The following COPG2 variants were observed in gnomAD, a reference collection of about 807,000 sequenced individuals.
The protein encoded by COPG2 is coatomer subunit gamma-2.
In COPG2, 37 loss-of-function variants were observed where a neutral mutation model predicts 46.3. That is an observed-to-expected ratio of 0.80 (90% CI 0.61 to 1.05). COPG2 has a LOEUF of 1.05. Ranked by LOEUF, COPG2 falls within the 50% of genes least tolerant of loss-of-function variation. The pLI is 0.00. For synonymous variants in COPG2, 159 were observed against 129.7 expected (o/e 1.23, Z -1.53); for missense variants, 427 against 387.8 (o/e 1.10, Z -0.85).
chr7:130,506,495 AAAAAAC>A lies in COPG2; in HGVS notation c.*175_*180del. ...CAAGTAGAATAAAAAGAAAAAAAAA[AAAAAAC>A]AACCCATGCGCAAAGATAGACATTT... is the stretch of plus-strand genomic sequence containing the variant. On this transcript the variant is annotated 3_prime_UTR_variant, in exon 24 of 24. Transcript: ENST00000425248. 3 of 441,488 alleles carry A rather than the reference AAAAAAC, an allele frequency of 6.8e-6. No homozygotes were observed. Among genetic ancestry groups the A allele is most frequent in the Non-Finnish European group, 1.2e-5 (3 of 248,116 alleles). 27.3% of individuals were successfully genotyped at this position (441,488 alleles called of 1,614,324 possible).
At chr7:130,616,564 T>A (rs994230375) in intron 6 of COPG2, among the ~76,000 whole-genome samples, 4 of 152,140 alleles carry the variant, frequency 2.6e-5, no homozygotes, top group Non-Finnish European at 4.4e-5. Flanking sequence ...CACTCCAGCC[T>A]GGGCGAAAGC....
intron 4 of COPG2, 62 bp downstream of exon 4, chr7:130,662,905 T>C: frequency 2.1e-6 from 2 of 974,624 alleles, no homozygotes. Flanking sequence ...ACACTCTTAG[T>C]TCCCTGGGGA....
intron 20 of COPG2, among the ~76,000 whole-genome samples, chr7:130,518,369 GAATC>G (rs1799696265): frequency 1.3e-5 from 2 of 152,182 alleles, no homozygotes; most frequent in African/African-American, 2.4e-5. Context: ...AGATCAGGGT[GAATC>G]TTGATTCAAA....
chr7:130,560,005 G>A, intron 12 of COPG2, among the ~76,000 whole-genome samples: 1 of 152,120 alleles, frequency 6.6e-6, no homozygotes, highest in South Asian at 2.1e-4. Flanking sequence ...TGTTCTGGAA[G>A]TACTTTTTTA....
At chr7:130,634,234 T>C (rs988530895) in intron 5 of COPG2, among the ~76,000 whole-genome samples, 6 of 152,192 alleles carry the variant, frequency 3.9e-5, no homozygotes, top group Non-Finnish European at 8.8e-5. Context: ...AAATTTAAAG[T>C]AGTTTTTTTC....
At chr7:130,591,121 GC>G (rs1481649594) in intron 9 of COPG2, among the ~76,000 whole-genome samples, 1 of 117,640 alleles carries the variant, frequency 8.5e-6, no homozygotes, top group Non-Finnish European at 1.8e-5. Context: ...CCGGCCAGCT[GC>G]CCCGTCCGGA....
At chr7:130,646,969 GTGTATATATATA>G (rs1795612933) in intron 5 of COPG2, among the ~76,000 whole-genome samples, 215 of 17,958 alleles carry the variant, frequency 0.012, 2 homozygotes, top group Admixed American at 0.017. Context: ...ATATATATAT[GTGTATATATATA>G]TGTATATATA....
intron 5 of COPG2, among the ~76,000 whole-genome samples, chr7:130,642,853 T>A (rs1554457560): frequency 6.6e-6 from 1 of 151,906 alleles, no homozygotes; most frequent in East Asian, 1.9e-4. Flanking sequence ...TGAAACCACA[T>A]CTCTACTAAA....
intron 20 of COPG2, among the ~76,000 whole-genome samples, chr7:130,536,798 G>A (rs1365794435): frequency 6.6e-6 from 1 of 152,192 alleles, no homozygotes; most frequent in Non-Finnish European, 1.5e-5. Context: ...CCAGCGCCTC[G>A]GTCCGAGACT....
At chr7:130,573,850 T>C (rs149387526) in intron 9 of COPG2, among the ~76,000 whole-genome samples, 289 of 152,288 alleles carry the variant, frequency 1.9e-3, no homozygotes, top group Non-Finnish European at 3.5e-3. Flanking sequence ...ACCAACAATG[T>C]ATAAGTGTGT....
At chr7:130,515,287 G>A in intron 20 of COPG2, among the ~76,000 whole-genome samples, 1 of 152,168 alleles carries the variant, frequency 6.6e-6, no homozygotes, top group Non-Finnish European at 1.5e-5. Flanking sequence ...AATCATGGCG[G>A]CAGGTGAATG....
intron 5 of COPG2, among the ~76,000 whole-genome samples, chr7:130,627,672 G>C (rs1232527274): frequency 3.3e-5 from 5 of 149,882 alleles, no homozygotes; most frequent in African/African-American, 1.2e-4. Flanking sequence ...AATCTTTCTA[G>C]TTGTTGTTCC....
Position 130,555,150 on chromosome 7 carries a change from GAAT to G in COPG2, c.1129-21_1129-19del. ...ACCACCACCTGTAGAAAAACAAAAA[GAAT>G]ATTCATTTTTATGACTGTACAACTA... On this transcript the variant is annotated intron_variant, in intron 12 of 23. Coordinates refer to ENST00000425248, the MANE Select transcript of COPG2 (RefSeq NM_012133.6). 2.5e-6 allele frequency: 1 copy of G among 398,142 alleles called. No individual in the cohort carries two copies. The allele number at this position is 398,142 out of a possible 1,614,324, so 24.7% of individuals were successfully genotyped here. A position where few individuals can be genotyped will look rare whatever the true frequency, so the allele number is the denominator to read the frequency against.
chr7:130,617,718 T>C (rs1052170604), intron 5 of COPG2, among the ~76,000 whole-genome samples: 2 of 152,146 alleles, frequency 1.3e-5, no homozygotes, highest in Non-Finnish European at 2.9e-5. Context: ...TCTCACATAA[T>C]CCAAAATGGT....
intron 9 of COPG2, among the ~76,000 whole-genome samples, chr7:130,569,240 A>T (rs1457843238): frequency 6.6e-6 from 1 of 152,112 alleles, no homozygotes; most frequent in Non-Finnish European, 1.5e-5. Flanking sequence ...CAACAACAAC[A>T]ACAAAAAATA....
intron 5 of COPG2, 61 bp downstream of exon 5, chr7:130,652,808 C>A: frequency 9.4e-7 from 1 of 1,058,482 alleles, no homozygotes; most frequent in South Asian, 1.4e-5. Context: ...AAAATGAAAT[C>A]AACAGAAAGC....
intron 20 of COPG2, among the ~76,000 whole-genome samples, chr7:130,518,204 C>T (rs973634939): frequency 2.0e-5 from 3 of 151,914 alleles, no homozygotes; most frequent in Admixed American, 6.6e-5. Context: ...GGAGTGATAC[C>T]GAGGAAGTCT....
chr7:130,543,579 T>C (rs1343624957), intron 20 of COPG2, among the ~76,000 whole-genome samples: 3 of 152,328 alleles, frequency 2.0e-5, no homozygotes, highest in East Asian at 1.9e-4. Flanking sequence ...GGTAAGTATG[T>C]TGGACACCAA....
intron 9 of COPG2, among the ~76,000 whole-genome samples, chr7:130,587,986 T>G (rs1217621431): frequency 2.6e-4 from 39 of 151,158 alleles, no homozygotes; most frequent in African/African-American, 6.6e-4. Context: ...GTGGGCGAAG[T>G]ATATGAACAG....
Sources: allele counts gnomAD v4.1 joint callset (sites outside exome capture counted in the v4.1 genomes callset), GRCh38; gene constraint gnomAD v4.1.1; transcripts MANE v1.5; gene names NCBI Gene and HGNC (gene_info 2026-07-23, HGNC 2026-07-21).